The following HK2 variants were observed in gnomAD, a reference collection of about 807,000 sequenced individuals.
HK2 encodes hexokinase 2.
A neutral mutation model predicts 92.9 loss-of-function variants in HK2; 42 were observed. The observed-to-expected ratio is 0.45, with a 90% confidence interval of 0.35 to 0.58. HK2 has a LOEUF of 0.58. Ranked by LOEUF, HK2 falls within the 20% of genes least tolerant of loss-of-function variation. The pLI is 0.00. For synonymous variants in HK2, 422 were observed against 468.0 expected (o/e 0.90, Z 1.27); for missense variants, 978 against 1,245.1 (o/e 0.79, Z 3.23).
intron 1 of HK2, among the ~76,000 whole-genome samples, chr2:74,849,203 A>G (rs1461291439): frequency 2.6e-5 from 4 of 152,096 alleles, no homozygotes; most frequent in African/African-American, 7.2e-5. Context: ...CATTTTGGGT[A>G]TTATCTTATT....
chr2:74,881,051 C>T (rs753810108), intron 10 of HK2, among the ~76,000 whole-genome samples: 2 of 132,494 alleles, frequency 1.5e-5, no homozygotes, highest in Non-Finnish European at 3.2e-5. Context: ...TGGCCCACCA[C>T]CTGTTTTTGT....
intron 1 of HK2, among the ~76,000 whole-genome samples, chr2:74,836,137 C>T (rs1199173284): frequency 2.0e-5 from 3 of 152,208 alleles, no homozygotes; most frequent in African/African-American, 7.2e-5. Context: ...GGTAACTTCT[C>T]AACTTCTAAG....
chr2:74,871,383 C>T (rs1300862169), intron 3 of HK2, among the ~76,000 whole-genome samples: 2 of 152,216 alleles, frequency 1.3e-5, no homozygotes, highest in Non-Finnish European at 2.9e-5. Flanking sequence ...TTGGAATCTG[C>T]CCAGCCTCTT....
intron 16 of HK2, 34 bp downstream of exon 16, chr2:74,888,092 C>T (rs1689584625): frequency 1.9e-6 from 3 of 1,610,322 alleles, no homozygotes; most frequent in South Asian, 1.1e-5. Context: ...GCAGGGGGGC[C>T]ATGTCCTTTT....
Position 74,886,522 on chromosome 2 carries a change from A to AT in HK2, c.2069dup (p.Met690IlefsTer31), listed in dbSNP as rs1558805865. On this transcript the variant is annotated frameshift_variant, in exon 15 of 18. Coordinates refer to ENST00000290573, the MANE Select transcript of HK2 (RefSeq NM_000189.5). LOFTEE classifies it high-confidence loss of function. ...CAGCAATGCCTGCTACATGGAGGAG[A>AT]TGCGCAACGTGGAACTGGTGGAAGG... 6.2e-7 allele frequency: 1 copy of AT among 1,613,840 alleles called. No individual in the cohort carries two copies. The highest frequency in any genetic ancestry group is 1.7e-5 in the Admixed American group (1 of 59,978).
At chr2:74,845,675 G>C (rs1193305306) in intron 1 of HK2, among the ~76,000 whole-genome samples, 1 of 152,222 alleles carries the variant, frequency 6.6e-6, no homozygotes, top group African/African-American at 2.4e-5. Flanking sequence ...AGCTGGCATT[G>C]GCCTGAGGTG....
rs1486953786 is a variant in HK2 at position 74,873,892 on chromosome 2, A to G, written c.640A>G (p.Met214Val). 3.1e-6 allele frequency: 5 copies of G among 1,614,150 alleles called. No individual in the cohort carries two copies. Among genetic ancestry groups the G allele is most frequent in the Non-Finnish European group, 4.2e-6 (5 of 1,180,018 alleles). Residue 214 changes from methionine to valine, a missense_variant, in exon 6 of 18, where the codon ATG becomes GTG. Coordinates refer to ENST00000290573, the MANE Select transcript of HK2 (RefSeq NM_000189.5). ...VAVVNDTVGT[M>V]MTCGYDDHNC... is the part of the protein sequence containing the mutation. ...TGTGGTGAATGACACAGTTGGGACC[A>G]TGATGACCTGTGGTTATGATGACCA...
chr2:74,852,582 G>T (rs28362974), intron 1 of HK2, among the ~76,000 whole-genome samples: 19 of 152,270 alleles, frequency 1.2e-4, no homozygotes, highest in Admixed American at 1.1e-3. Context: ...GATGGAGGGT[G>T]GGGGGCTAGT....
chr2:74,884,215 A>G (rs892088315), intron 12 of HK2, among the ~76,000 whole-genome samples: 1 of 152,206 alleles, frequency 6.6e-6, no homozygotes, highest in Non-Finnish European at 1.5e-5. Context: ...TCTGTGTTCC[A>G]GGTTTCTCTG....
intron 1 of HK2, among the ~76,000 whole-genome samples, chr2:74,840,754 C>CTGTA (rs913493036): frequency 1.3e-5 from 2 of 151,308 alleles, no homozygotes; most frequent in Non-Finnish European, 2.9e-5. Context: ...TGGCAGGCAC[C>CTGTA]TGTAGTCCCA....
rs570052575 is a variant in HK2 at position 74,867,917 on chromosome 2, G to A, written c.375+133G>A. 16 of 1,007,968 alleles carry A rather than the reference G, an allele frequency of 1.6e-5. 1 individual carries two copies. The highest frequency in any genetic ancestry group is 1.3e-4 in the African/African-American group (8 of 63,678). The allele number at this position is 1,007,968 out of a possible 1,614,324, so 62.4% of individuals were successfully genotyped here. A position where few individuals can be genotyped will look rare whatever the true frequency, so the allele number is the denominator to read the frequency against. On this transcript the variant is annotated intron_variant, in intron 3 of 17. Coordinates refer to ENST00000290573, the MANE Select transcript of HK2 (RefSeq NM_000189.5). ...GACACTCATGGATGCCAGCACAGCT[G>A]TAAGGGCTCCCTCTCAGCCGGAGCT...
chr2:74,889,800 A>ACT (rs1363961688), intron 17 of HK2, among the ~76,000 whole-genome samples: 2 of 152,056 alleles, frequency 1.3e-5, no homozygotes, highest in Middle Eastern at 3.4e-3. Context: ...GTTTAGTTTT[A>ACT]CTTATTTTTG....
intron 2 of HK2, among the ~76,000 whole-genome samples, chr2:74,861,027 G>C: frequency 6.6e-6 from 1 of 152,164 alleles, no homozygotes; most frequent in Non-Finnish European, 1.5e-5. Flanking sequence ...CCACAACCCT[G>C]CGTGTGACTG....
chr2:74,842,686 G>A lies in HK2; in HGVS notation c.63+8043G>A, dbSNP rs141571698. 3.3e-5 allele frequency among the ~76,000 whole-genome samples: 5 copies of A among 152,308 alleles called. No individual in the cohort carries two copies. The East Asian group carries it at 7.7e-4, about 23-fold the overall frequency. Reference sequence around the variant, plus strand: ...TCCTGAAGCCAGGGAAGAAGGATGCGTCCACCGTGCTTCTAAAACCTTCTC... The same window carrying A: ...TCCTGAAGCCAGGGAAGAAGGATGCATCCACCGTGCTTCTAAAACCTTCTC... On this transcript the variant is annotated intron_variant, in intron 1 of 17. Coordinates refer to ENST00000290573, the MANE Select transcript of HK2 (RefSeq NM_000189.5).
At chr2:74,883,632 T>G (rs1689453295) in intron 12 of HK2, among the ~76,000 whole-genome samples, 1 of 152,232 alleles carries the variant, frequency 6.6e-6, no homozygotes, top group African/African-American at 2.4e-5. Flanking sequence ...GAATTCCCCA[T>G]GTGCACTAGT....
chr2:74,887,334 A>G (rs1290361669), intron 15 of HK2, among the ~76,000 whole-genome samples: 1 of 150,238 alleles, frequency 6.7e-6, no homozygotes, highest in Non-Finnish European at 1.5e-5. Flanking sequence ...GTGATGGGCT[A>G]TTGGTTGAAA....
intron 1 of HK2, among the ~76,000 whole-genome samples, chr2:74,843,792 G>A (rs550262776): frequency 2.6e-5 from 4 of 152,278 alleles, no homozygotes; most frequent in East Asian, 3.9e-4. Flanking sequence ...GAGGGCATTC[G>A]AAACTGCCAC....
chr2:74,883,307 C>G (rs1448102760), intron 12 of HK2, among the ~76,000 whole-genome samples: 1 of 152,194 alleles, frequency 6.6e-6, no homozygotes, highest in Admixed American at 6.5e-5. Flanking sequence ...GAATGTGGCC[C>G]TCGTGGGATG....
intron 1 of HK2, among the ~76,000 whole-genome samples, chr2:74,847,151 A>C (rs913232474): frequency 5.9e-5 from 9 of 152,208 alleles, no homozygotes; most frequent in African/African-American, 2.2e-4. Flanking sequence ...GGCATCCTGC[A>C]TCCTTTGCTT....
Sources: allele counts gnomAD v4.1 joint callset (sites outside exome capture counted in the v4.1 genomes callset), GRCh38; gene constraint gnomAD v4.1.1; transcripts MANE v1.5; gene names NCBI Gene and HGNC (gene_info 2026-07-23, HGNC 2026-07-21).